Variants in KIN observed in about 807,000 individuals in gnomAD.
KIN encodes the protein DNA/RNA-binding protein KIN17.
Under a neutral mutation model 63.0 loss-of-function variants are expected in KIN, and 47 were observed. The observed-to-expected ratio is 0.75, with a 90% CI of 0.59 to 0.95. The LOEUF (loss-of-function observed/expected upper bound fraction) is 0.95, where lower values mean the gene tolerates loss of function less well. Ranked by LOEUF, KIN falls within the 40% of genes least tolerant of loss-of-function variation. KIN has a pLI of 0.00. For missense variants in KIN, 408 were observed against 460.9 expected, an observed-to-expected ratio of 0.89 and a Z score of 1.05; for synonymous variants, 160 against 157.7, an observed-to-expected ratio of 1.01 and a Z score of -0.11.
At chr10:7,785,233 C>T (rs141653677) in intron 1 of KIN, among the ~76,000 whole-genome samples, 109 of 148,348 alleles carry the variant, frequency 7.3e-4, no homozygotes, top group African/African-American at 2.7e-3. Flanking sequence ...GCCTGGGCTA[C>T]CAATTGAGAC....
intron 12 of KIN, among the ~76,000 whole-genome samples, chr10:7,757,994 A>G (rs1436995108): frequency 1.3e-5 from 2 of 149,400 alleles, no homozygotes; most frequent in Admixed American, 6.7e-5. Context: ...AAGTGATGAC[A>G]CAAGCATATA....
chr10:7,777,114 G>T (rs1219163814), intron 5 of KIN, among the ~76,000 whole-genome samples: 1 of 146,206 alleles, frequency 6.8e-6, no homozygotes, highest in Non-Finnish European at 1.5e-5. Flanking sequence ...ATCCAATTGA[G>T]AATTATTCTA....
intron 8 of KIN, among the ~76,000 whole-genome samples, chr10:7,768,652 C>T (rs1170363514): frequency 6.6e-6 from 1 of 152,140 alleles, no homozygotes; most frequent in African/African-American, 2.4e-5. Flanking sequence ...TGAAGGACTC[C>T]AATTTCTAAC....
chr10:7,769,303 T>C lies in KIN; in HGVS notation c.711A>G (p.Ala237=), dbSNP rs749181607. ...PSALKTIGSS[A]SVKRKESSQS... Reference sequence around the variant, plus strand: ...GGGAAGATTCTTTTCGTTTCACTGATGCTGAACTTCCTATCGTCTTCAGTG... The same window carrying C: ...GGGAAGATTCTTTTCGTTTCACTGACGCTGAACTTCCTATCGTCTTCAGTG... Residue 237 remains alanine, a synonymous_variant, in exon 8 of 13, where the codon GCA becomes GCG. Coordinates refer to ENST00000379562, the MANE Select transcript of KIN (RefSeq NM_012311.4). 2.5e-6 allele frequency: 4 copies of C among 1,613,922 alleles called. No homozygotes were observed. Among genetic ancestry groups the C allele is most frequent in the Non-Finnish European group, 3.4e-6 (4 of 1,179,826 alleles).
chr10:7,756,758 T>C (rs1292392425), intron 12 of KIN, among the ~76,000 whole-genome samples: 1 of 57,050 alleles, frequency 1.8e-5, no homozygotes, highest in Non-Finnish European at 3.7e-5. Context: ...GGAAATATCA[T>C]TTTGTAAGCA....
intron 9 of KIN, among the ~76,000 whole-genome samples, chr10:7,764,787 T>C (rs1835505642): frequency 6.6e-6 from 1 of 152,236 alleles, no homozygotes; most frequent in Non-Finnish European, 1.5e-5. Context: ...AATTGGAAGA[T>C]AATTCATTAC....
At position 7,775,813 on chromosome 10, in the gene KIN, A is replaced by T; in HGVS notation, c.559-14T>A. ...AGTAGGGACCTCCTAAAAAAAAGAAAGTTTTAAGGTTTTGGTGTACATTGC... is the reference window on the plus strand; with the variant it reads ...AGTAGGGACCTCCTAAAAAAAAGAATGTTTTAAGGTTTTGGTGTACATTGC... On this transcript the variant is annotated splice_polypyrimidine_tract_variant and intron_variant, in intron 5 of 12. Coordinates refer to ENST00000379562, the MANE Select transcript of KIN (RefSeq NM_012311.4). 1 of 1,528,960 alleles carries T rather than the reference A, an allele frequency of 6.5e-7. No individual in the cohort carries two copies. The highest frequency in any genetic ancestry group is 1.2e-5 in the South Asian group (1 of 82,534). 94.7% of individuals were successfully genotyped at this position (1,528,960 alleles called of 1,614,324 possible).
intron 12 of KIN, among the ~76,000 whole-genome samples, chr10:7,756,461 T>G (rs1045277935): frequency 2.0e-5 from 3 of 152,210 alleles, no homozygotes; most frequent in Non-Finnish European, 1.5e-5. Flanking sequence ...GCTGTGGCCA[T>G]GCATGGAGCT....
At position 7,774,702 on chromosome 10, in the gene KIN, A is replaced by T. The variant is rs1835733719; in HGVS notation, c.668+129T>A. On this transcript the variant is annotated intron_variant, in intron 7 of 12. Transcript: ENST00000379562. ...GAACAATTGCTAAAAAAACAACGCAACCAATAAAAACCAAAAACAGGTGAA... is the reference window on the plus strand; with the variant it reads ...GAACAATTGCTAAAAAAACAACGCATCCAATAAAAACCAAAAACAGGTGAA... The T allele has an allele frequency of 1.3e-5, 10 of 743,278 alleles. No homozygotes were observed. In the South Asian group the frequency reaches 1.7e-4, roughly 13 times the overall value. The allele number at this position is 743,278 out of a possible 1,614,324, so 46.0% of individuals were successfully genotyped here. A position where few individuals can be genotyped will look rare whatever the true frequency, so the allele number is the denominator to read the frequency against.
At chr10:7,763,256 A>T (rs1006974509) in intron 10 of KIN, among the ~76,000 whole-genome samples, 2 of 152,208 alleles carry the variant, frequency 1.3e-5, no homozygotes, top group Non-Finnish European at 2.9e-5. Flanking sequence ...ACTCTGTCTC[A>T]GAAATAAAAA....
At chr10:7,765,580 CAAT>C (rs1835527836) in intron 9 of KIN, among the ~76,000 whole-genome samples, 1 of 151,894 alleles carries the variant, frequency 6.6e-6, no homozygotes, top group East Asian at 1.9e-4. Flanking sequence ...AAACAATAAG[CAAT>C]AATAAATAAG....
chr10:7,774,876 C>G lies in KIN; in HGVS notation c.623G>C (p.Ser208Thr), dbSNP rs1278276155. 8 of 1,612,578 alleles carry G rather than the reference C, an allele frequency of 5.0e-6. No homozygotes were observed. Among genetic ancestry groups the G allele is most frequent in the Non-Finnish European group, 6.8e-6 (8 of 1,178,872 alleles). ...TCCGGATGAGCTACATGCTCCTTTACTCAAATTAAACGTGACTAGAAGAAA... is the reference window on the plus strand; with the variant it reads ...TCCGGATGAGCTACATGCTCCTTTAGTCAAATTAAACGTGACTAGAAGAAA... The part of the protein sequence containing the change: ...NDEEKVTFNL[S>T]KGACSSSGAT... Residue 208 changes from serine to threonine, a missense_variant, in exon 7 of 13, where the codon AGT (serine) becomes ACT (threonine). Transcript: ENST00000379562.
At chr10:7,779,645 T>A (rs2131026982) in intron 4 of KIN, among the ~76,000 whole-genome samples, 1 of 152,324 alleles carries the variant, frequency 6.6e-6, no homozygotes, top group South Asian at 2.1e-4. Context: ...AAAAACTATT[T>A]ACATTGTATT....
intron 9 of KIN, among the ~76,000 whole-genome samples, chr10:7,765,696 C>T (rs4237383): frequency 0.97 from 147,115 of 152,310 alleles, 71,191 homozygotes; most frequent in East Asian, 1. Context: ...AAGTTGTAAA[C>T]TGAAAACCAA....
chr10:7,780,173 T>G lies in KIN; in HGVS notation c.259A>C (p.Lys87Gln). 1 of 1,613,566 alleles carries G rather than the reference T, an allele frequency of 6.2e-7. No homozygotes were observed. Among genetic ancestry groups the G allele is most frequent in the Non-Finnish European group, 8.5e-7 (1 of 1,179,688 alleles). Residue 87 changes from lysine to glutamine, a missense_variant, in exon 4 of 13, where the codon AAA (lysine) becomes CAA (glutamine). Around this residue, in one of 2 missense-constraint regions of KIN, gnomAD observed 110 missense variants for 164.9 expected, o/e 0.67. Transcript: ENST00000379562. Reference sequence around the variant, plus strand: ...TAGACAATGTTGTTGTGGACCCTTTTAGTGCCTGAGAACAAAATATGACAC... The same window carrying G: ...TAGACAATGTTGTTGTGGACCCTTTGAGTGCCTGAGAACAAAATATGACAC... Reference protein sequence around the residue: ...LELLRRRFGTKRVHNNIVYNE... With the variant: ...LELLRRRFGTQRVHNNIVYNE...
At chr10:7,773,748 T>G (rs1267833846) in intron 7 of KIN, among the ~76,000 whole-genome samples, 2 of 152,156 alleles carry the variant, frequency 1.3e-5, no homozygotes, top group East Asian at 1.9e-4. Flanking sequence ...AAAAACAACA[T>G]GTAAAGTACT....
Position 7,778,949 on chromosome 10 carries a change from G to C in KIN, c.447C>G (p.Ile149Met), listed in dbSNP as rs1564323597. ...TTTTCTCCAGTTCCAGTTGCCGGCG[G>C]ATAGTTTCTGGGTCCCTGTCTATGT... Reference protein sequence around the residue: ...IQYIDRDPETIRRQLELEKKK... With the variant: ...IQYIDRDPETMRRQLELEKKK... Residue 149 changes from isoleucine to methionine, a missense_variant, in exon 5 of 13, where the codon ATC becomes ATG. Physicochemically the swap from Ile to Met is conservative, Grantham distance 10 (BLOSUM62 1). Coordinates refer to ENST00000379562, the MANE Select transcript of KIN (RefSeq NM_012311.4). 1.9e-6 allele frequency: 3 copies of C among 1,614,010 alleles called. No individual in the cohort carries two copies. Among genetic ancestry groups the C allele is most frequent in the Admixed American group, 3.3e-5 (2 of 60,002 alleles).
rs118089487 is a variant in KIN at position 7,783,827 on chromosome 10, C to T, written c.115-652G>A. ...AGCACAAGCACCCAAGCCATGAAAC[C>T]AGACAACATCCTAGATTCCTTCTTC... On this transcript the variant is annotated intron_variant, in intron 1 of 12. Coordinates refer to ENST00000379562, the MANE Select transcript of KIN (RefSeq NM_012311.4). Among the ~76,000 whole-genome samples the T allele has an allele frequency of 2.8e-4, 43 of 152,082 alleles. No homozygotes were observed. The East Asian group carries it at 5.8e-3, about 21-fold the overall frequency.
chr10:7,769,698 G>T (rs980834754), intron 7 of KIN, among the ~76,000 whole-genome samples: 1 of 151,742 alleles, frequency 6.6e-6, no homozygotes, highest in Non-Finnish European at 1.5e-5. Context: ...CAGGGTTTGA[G>T]GCTACTTCTA....
Sources: allele counts gnomAD v4.1 joint callset (sites outside exome capture counted in the v4.1 genomes callset), GRCh38; gene constraint gnomAD v4.1.1; regional missense constraint gnomAD v4.1.1; transcripts MANE v1.5; gene names NCBI Gene and HGNC (gene_info 2026-07-23, HGNC 2026-07-21).